PEMT: variants seen among roughly 807,000 people sequenced by gnomAD.
PEMT encodes phosphatidylethanolamine N-methyltransferase.
In PEMT, 23 loss-of-function variants were observed where a neutral mutation model predicts 27.4. That is an observed-to-expected ratio of 0.84 (90% CI 0.60 to 1.19). PEMT has a LOEUF of 1.19. PEMT is among the 50% of genes most tolerant of loss of function. PEMT has a pLI of 0.00. For missense variants in PEMT, 307 were observed against 310.1 expected (o/e 0.99, Z 0.07); for synonymous variants, 137 against 139.1 (o/e 0.98, Z 0.11).
intron 2 of PEMT, among the ~76,000 whole-genome samples, chr17:17,576,259 C>A (rs553477698): frequency 6.6e-6 from 1 of 152,334 alleles, no homozygotes; most frequent in Non-Finnish European, 1.5e-5. Context: ...TCCCCTCCCA[C>A]ACTTTCCTCG....
At chr17:17,572,590 C>A (rs1463625268) in intron 2 of PEMT, among the ~76,000 whole-genome samples, 1 of 152,220 alleles carries the variant, frequency 6.6e-6, no homozygotes, top group East Asian at 1.9e-4. Context: ...GAGAGGCCTT[C>A]CCTGACCACC....
At chr17:17,535,428 T>C (rs1385059105) in intron 2 of PEMT, among the ~76,000 whole-genome samples, 2 of 151,842 alleles carry the variant, frequency 1.3e-5, no homozygotes, top group Non-Finnish European at 2.9e-5. Context: ...TGGCCAAGCA[T>C]GGTGGCATGT....
intron 1 of PEMT, among the ~76,000 whole-genome samples, chr17:17,590,701 C>T (rs4646340): frequency 0.63 from 96,099 of 152,152 alleles, 31,156 homozygotes; most frequent in African/African-American, 0.78. Flanking sequence ...TTAGAAGCTG[C>T]TTGGGGCAGA....
At position 17,568,060 on chromosome 17, in the gene PEMT, T is replaced by TACAC. The variant is rs147906381; in HGVS notation, c.204+8856_204+8859dup. Among the ~76,000 whole-genome samples the TACAC allele has an allele frequency of 2.5e-3, 375 of 151,180 alleles. 2 individuals are homozygous for TACAC. Among genetic ancestry groups the TACAC allele is most frequent in the African/African-American group, 8.7e-3 (357 of 41,270 alleles). ...ACACACATGCACACACTCACACACCTACACACACACACACATGCCACCATC... is the reference window on the plus strand; with the variant it reads ...ACACACATGCACACACTCACACACCTACACACACACACACACACATGCCACCATC... On this transcript the variant is annotated intron_variant, in intron 2 of 6. Coordinates refer to ENST00000255389, the MANE Select transcript of PEMT (RefSeq NM_148172.3).
intron 2 of PEMT, among the ~76,000 whole-genome samples, chr17:17,567,055 A>G (rs1910873651): frequency 6.6e-6 from 1 of 152,192 alleles, no homozygotes; most frequent in South Asian, 2.1e-4. Flanking sequence ...ATCATGCTGT[A>G]AATGCCAGAA....
intron 1 of PEMT, among the ~76,000 whole-genome samples, chr17:17,580,665 C>T (rs984368045): frequency 1.3e-5 from 2 of 152,104 alleles, no homozygotes; most frequent in Non-Finnish European, 2.9e-5. Flanking sequence ...AGTGGGCCAG[C>T]GGCCAGTTTT....
chr17:17,590,823 A>C (rs1008044595), intron 1 of PEMT, among the ~76,000 whole-genome samples: 1 of 152,206 alleles, frequency 6.6e-6, no homozygotes, highest in Non-Finnish European at 1.5e-5. Context: ...ATTGGAATCC[A>C]TTGGAATTGG....
At chr17:17,562,046 G>A (rs1910517649) in intron 2 of PEMT, among the ~76,000 whole-genome samples, 1 of 152,242 alleles carries the variant, frequency 6.6e-6, no homozygotes, top group Non-Finnish European at 1.5e-5. Flanking sequence ...AGCAAGGCTG[G>A]CGTTCCGGCC....
At chr17:17,591,484 T>A in intron 1 of PEMT, 47 bp downstream of exon 1, 1 of 1,495,488 alleles carries the variant, frequency 6.7e-7, no homozygotes, top group Non-Finnish European at 9.2e-7. Context: ...CCTCGGGCCT[T>A]GCAGATCCCT....
chr17:17,584,352 G>A (rs1912131914), intron 1 of PEMT, among the ~76,000 whole-genome samples: 1 of 152,136 alleles, frequency 6.6e-6, no homozygotes, highest in Non-Finnish European at 1.5e-5. Context: ...GTAGAGACAG[G>A]GTTTCACCGT....
At chr17:17,548,625 C>T (rs771774470) in intron 2 of PEMT, among the ~76,000 whole-genome samples, 180 of 152,112 alleles carry the variant, frequency 1.2e-3, no homozygotes, top group Non-Finnish European at 2.1e-3. Flanking sequence ...CTCGGCTCAC[C>T]GCAACCTCTG....
intron 1 of PEMT, among the ~76,000 whole-genome samples, chr17:17,587,795 G>T (rs904530889): frequency 6.6e-6 from 1 of 152,208 alleles, no homozygotes; most frequent in Non-Finnish European, 1.5e-5. Context: ...GGAATTGCTT[G>T]AACTCGGGAG....
intron 3 of PEMT, chr17:17,518,222 A>G (rs1474900171): frequency 1.1e-6 from 1 of 889,666 alleles, no homozygotes; most frequent in Non-Finnish European, 1.3e-6. Context: ...CACAGCCAGG[A>G]GGGAGGAAGG....
At chr17:17,528,128 T>C (rs574835886) in intron 2 of PEMT, among the ~76,000 whole-genome samples, 34 of 152,204 alleles carry the variant, frequency 2.2e-4, no homozygotes, top group Admixed American at 5.2e-4. Flanking sequence ...AAGGAGCCCA[T>C]CCCTTTTGTT....
At chr17:17,562,789 A>G (rs1910580248) in intron 2 of PEMT, among the ~76,000 whole-genome samples, 1 of 152,050 alleles carries the variant, frequency 6.6e-6, no homozygotes, top group Non-Finnish European at 1.5e-5. Context: ...AGCCTGGGTG[A>G]CAGAGCAAGA....
chr17:17,542,344 G>T lies in PEMT; in HGVS notation c.205-19949C>A, dbSNP rs138849197. 7.3e-4 allele frequency among the ~76,000 whole-genome samples: 111 copies of T among 152,310 alleles called. No homozygotes were observed. In the East Asian group the frequency reaches 0.018, roughly 25 times the overall value. ...ACCTGGTTTGCCTGATTGAGCTCCC[G>T]CTCAGTTAATCCAGAAACAGGGGCC... is the stretch of plus-strand genomic sequence containing the variant. On this transcript the variant is annotated intron_variant, in intron 2 of 6. Transcript: ENST00000255389.
At chr17:17,584,305 G>A (rs1199687298) in intron 1 of PEMT, among the ~76,000 whole-genome samples, 3 of 152,074 alleles carry the variant, frequency 2.0e-5, no homozygotes, top group African/African-American at 7.2e-5. Flanking sequence ...GACTACAGGC[G>A]CCCGCCACCA....
At chr17:17,510,575 G>A (rs1906291137) in intron 4 of PEMT, among the ~76,000 whole-genome samples, 1 of 152,232 alleles carries the variant, frequency 6.6e-6, no homozygotes, top group East Asian at 1.9e-4. Context: ...AGGAAGTGGG[G>A]CACAGGGTGT....
Position 17,552,181 on chromosome 17 carries a change from G to A in PEMT, c.204+24739C>T, listed in dbSNP as rs1909701477. 3.3e-5 allele frequency among the ~76,000 whole-genome samples: 5 copies of A among 152,184 alleles called. No homozygotes were observed. The South Asian group carries it at 8.3e-4, about 25-fold the overall frequency. ...ACAAAAATTAGCCGGGCATGGTAGC[G>A]CATACCTGTAATCCCAGCTACTAGG... On this transcript the variant is annotated intron_variant, in intron 2 of 6. Coordinates refer to ENST00000255389, the MANE Select transcript of PEMT (RefSeq NM_148172.3).
Sources: allele counts gnomAD v4.1 joint callset (sites outside exome capture counted in the v4.1 genomes callset), GRCh38; gene constraint gnomAD v4.1.1; transcripts MANE v1.5; gene names NCBI Gene and HGNC (gene_info 2026-07-23, HGNC 2026-07-21).